BCL2L1: variants seen among roughly 807,000 people sequenced by gnomAD.
BCL2L1 encodes the protein BCL2 like 1.
In BCL2L1, 1 loss-of-function variant was observed where a neutral mutation model predicts 18.7. That is an observed-to-expected ratio of 0.05 (90% CI 0.02 to 0.25). The LOEUF (loss-of-function observed/expected upper bound fraction) is 0.25. Ranked by LOEUF, BCL2L1 falls within the 10% of genes least tolerant of loss-of-function variation. The probability of loss-of-function intolerance (pLI) is 1.00; values close to 1 mark genes in which losing one functional copy is unlikely to be tolerated. For missense variants in BCL2L1, 207 were observed against 304.9 expected (o/e 0.68, Z 2.39); for synonymous variants, 103 against 122.7 (o/e 0.84, Z 1.06).
intron 2 of BCL2L1, among the ~76,000 whole-genome samples, chr20:31,695,527 C>T (rs1175747485): frequency 6.6e-6 from 1 of 152,178 alleles, no homozygotes; most frequent in Non-Finnish European, 1.5e-5. Context: ...AGTGGAGGGA[C>T]AGGATCATAG....
upstream of BCL2L1, chr20:31,723,783 G>C: frequency 1.0e-6 from 1 of 985,442 alleles, no homozygotes; most frequent in Non-Finnish European, 1.2e-6. Context: ...TCATCGGCCC[G>C]GTAGCTTCCA....
intron 2 of BCL2L1, among the ~76,000 whole-genome samples, chr20:31,701,869 C>A (rs1421230406): frequency 3.3e-5 from 5 of 152,160 alleles, no homozygotes; most frequent in Non-Finnish European, 7.3e-5. Flanking sequence ...AAAAAGTATT[C>A]ACTGAATGTT....
At chr20:31,697,890 C>CTGTTTTTTTTTTGTTTGTTTGTT (rs138700732) in intron 2 of BCL2L1, among the ~76,000 whole-genome samples, 4 of 78,818 alleles carry the variant, frequency 5.1e-5, no homozygotes, top group African/African-American at 4.6e-4. Context: ...TGTGCTGTTG[C>CTGTTTTTTTTTTGTTTGTTTGTT]TGTTTTTTTT....
chr20:31,692,382 A>T (rs1450632293), intron 2 of BCL2L1, among the ~76,000 whole-genome samples: 2 of 152,286 alleles, frequency 1.3e-5, no homozygotes, highest in African/African-American at 4.8e-5. Context: ...TACGAAAATG[A>T]ACAAATTATG....
intron 2 of BCL2L1, among the ~76,000 whole-genome samples, chr20:31,706,101 G>A (rs2061365311): frequency 6.6e-6 from 1 of 152,184 alleles, no homozygotes; most frequent in East Asian, 1.9e-4. Context: ...AGCAGATGGA[G>A]AGTGGGTAGA....
In BCL2L1 at chr20:31,722,102, T is replaced by C. The variant is rs761851595; in HGVS notation, c.117A>G (p.Glu39=). 1 of 1,580,480 alleles carries C rather than the reference T, an allele frequency of 6.3e-7. No homozygotes were observed. Among genetic ancestry groups the C allele is most frequent in the Non-Finnish European group, 8.6e-7 (1 of 1,164,038 alleles). ...GGGTCTCCATCTCCGATTCAGTCCCTTCTGGGGCCTCAGTCCTGTTCTCTT... is the reference window on the plus strand; with the variant it reads ...GGGTCTCCATCTCCGATTCAGTCCCCTCTGGGGCCTCAGTCCTGTTCTCTT... ...DVEENRTEAP[E]GTESEMETPS... is the part of the protein sequence containing the mutation. The change falls in exon 2 of 3, where the codon GAA becomes GAG. Residue 39 remains glutamate, a synonymous_variant. Transcript: ENST00000307677.
intron 2 of BCL2L1, among the ~76,000 whole-genome samples, chr20:31,698,212 C>T (rs559983705): frequency 2.4e-4 from 36 of 152,158 alleles, no homozygotes; most frequent in Admixed American, 1.9e-3. Context: ...AAATGTATGT[C>T]GGACTGTCAT....
intron 2 of BCL2L1, among the ~76,000 whole-genome samples, chr20:31,708,433 G>A (rs1285466866): frequency 6.6e-6 from 1 of 152,202 alleles, no homozygotes; most frequent in Non-Finnish European, 1.5e-5. Context: ...GGAGAGACTG[G>A]CAAAGCCCTG....
chr20:31,687,840 T>C (rs1040755816), intron 2 of BCL2L1, among the ~76,000 whole-genome samples: 12 of 152,106 alleles, frequency 7.9e-5, no homozygotes, highest in Admixed American at 7.9e-4. Context: ...TGATTCCTTA[T>C]CTGTATTAGA....
chr20:31,681,075 T>C (rs745855422), intron 2 of BCL2L1, among the ~76,000 whole-genome samples: 1 of 152,166 alleles, frequency 6.6e-6, no homozygotes, highest in Non-Finnish European at 1.5e-5. Flanking sequence ...CCAGTGAATG[T>C]GAGGAGACTG....
At chr20:31,686,971 T>G (rs529434336) in intron 2 of BCL2L1, among the ~76,000 whole-genome samples, 1 of 152,188 alleles carries the variant, frequency 6.6e-6, no homozygotes, top group Non-Finnish European at 1.5e-5. Flanking sequence ...TTTTCTAATC[T>G]GGACAATGAG....
intron 2 of BCL2L1, among the ~76,000 whole-genome samples, chr20:31,706,731 T>G (rs1249845224): frequency 6.6e-5 from 10 of 152,226 alleles, no homozygotes; most frequent in Non-Finnish European, 1.5e-5. Context: ...ACTGAATGAA[T>G]GAATGAATGA....
At chr20:31,696,619 G>C (rs1375091146) in intron 2 of BCL2L1, among the ~76,000 whole-genome samples, 1 of 152,188 alleles carries the variant, frequency 6.6e-6, no homozygotes, top group African/African-American at 2.4e-5. Context: ...CATGAATAAA[G>C]TGTCATTAGA....
intron 2 of BCL2L1, among the ~76,000 whole-genome samples, chr20:31,702,178 A>G (rs2122708823): frequency 6.6e-6 from 1 of 152,362 alleles, no homozygotes; most frequent in East Asian, 1.9e-4. Context: ...AGAACATTTC[A>G]GGCAGAGAAA....
intron 2 of BCL2L1, among the ~76,000 whole-genome samples, chr20:31,712,603 A>C (rs1297172748): frequency 1.3e-5 from 2 of 152,152 alleles, no homozygotes; most frequent in Non-Finnish European, 2.9e-5. Context: ...TTTGTAGGCA[A>C]GTTTTTAGCC....
At chr20:31,710,736 T>G (rs2061442269) in intron 2 of BCL2L1, among the ~76,000 whole-genome samples, 1 of 152,226 alleles carries the variant, frequency 6.6e-6, no homozygotes, top group South Asian at 2.1e-4. Flanking sequence ...ACTCTACAGG[T>G]TTGGCACAGT....
At chr20:31,719,988 C>T in intron 2 of BCL2L1, 2 of 627,564 alleles carry the variant, frequency 3.2e-6, no homozygotes, top group Middle Eastern at 8.1e-4. Context: ...AGAATCAAAG[C>T]AGGAGGGAAC....
At chr20:31,666,479 C>A (rs189358943) in intron 2 of BCL2L1, among the ~76,000 whole-genome samples, 1 of 152,006 alleles carries the variant, frequency 6.6e-6, no homozygotes, top group African/African-American at 2.4e-5. Flanking sequence ...CCAGACCATA[C>A]GTGGCCTGGA....
intron 2 of BCL2L1, among the ~76,000 whole-genome samples, chr20:31,689,094 T>C (rs1035046742): frequency 4.0e-5 from 6 of 149,706 alleles, no homozygotes; most frequent in Non-Finnish European, 7.4e-5. Context: ...AAAATAAAAA[T>C]TGGCTGGACA....
Sources: allele counts gnomAD v4.1 joint callset (sites outside exome capture counted in the v4.1 genomes callset), GRCh38; gene constraint gnomAD v4.1.1; transcripts MANE v1.5; gene names NCBI Gene and HGNC (gene_info 2026-07-23, HGNC 2026-07-21).